Variants in SH2D3C observed in about 807,000 individuals in gnomAD.
SH2D3C encodes SH2 domain containing 3C.
In SH2D3C, 25 loss-of-function variants were observed where a neutral mutation model predicts 75.2. The observed-to-expected ratio is 0.33, with a 90% CI of 0.24 to 0.46. The LOEUF (loss-of-function observed/expected upper bound fraction) is 0.46. Ranked by LOEUF, SH2D3C falls within the 20% of genes least tolerant of loss-of-function variation. The pLI is 1.00. For missense variants in SH2D3C, 933 were observed against 1,165.3 expected (o/e 0.80, Z 2.90); for synonymous variants, 450 against 473.7 (o/e 0.95, Z 0.65).
intron 2 of SH2D3C, among the ~76,000 whole-genome samples, chr9:127,768,046 G>T (rs1030397500): frequency 2.6e-5 from 4 of 152,188 alleles, no homozygotes; most frequent in Non-Finnish European, 1.5e-5. Context: ...GCGTCCGGGG[G>T]TCTCAAGGAC....
At chr9:127,761,527 G>T in intron 3 of SH2D3C, 84 bp downstream of exon 3, 1 of 973,918 alleles carries the variant, frequency 1.0e-6, no homozygotes, top group Non-Finnish European at 1.6e-6. Context: ...AACAAGGCTT[G>T]AGGAAGGGCT....
intron 2 of SH2D3C, among the ~76,000 whole-genome samples, chr9:127,769,403 G>A (rs1396193210): frequency 6.6e-6 from 1 of 152,186 alleles, no homozygotes; most frequent in African/African-American, 2.4e-5. Flanking sequence ...AGCATTTTGG[G>A]AGGCTGAGGC....
At position 127,749,339 on chromosome 9, in the gene SH2D3C, C is replaced by T; in HGVS notation, c.1011G>A (p.Gly337=). The T allele has an allele frequency of 1.2e-6, 2 of 1,613,410 alleles. No individual in the cohort carries two copies. Among genetic ancestry groups the T allele is most frequent in the Non-Finnish European group, 1.7e-6 (2 of 1,179,790 alleles). The change falls in exon 5 of 12, where the codon GGG becomes GGA. Residue 337 remains glycine (G), a synonymous_variant. Transcript: ENST00000314830. This position sits in a 1 kb window ranked among gnomAD's most constrained non-coding sequence, Gnocchi z 5.9. ...TGACGGGGCTAGCAGGCTTGCTACT[C>T]CCCTGTCCCAGGCCATAGCTGGCCT... ...YLEASYGLGQ[G]SSKPASPVSP...
At chr9:127,764,696 TTTG>T (rs762740248) in intron 2 of SH2D3C, among the ~76,000 whole-genome samples, 25 of 151,886 alleles carry the variant, frequency 1.6e-4, no homozygotes, top group African/African-American at 3.1e-4. Context: ...CCTCCTGCTC[TTTG>T]TTGTTGTTGT....
chr9:127,739,854 A>G lies in SH2D3C; in HGVS notation c.2235T>C (p.His745=), dbSNP rs202202250. 63 of 1,563,050 alleles carry G rather than the reference A, an allele frequency of 4.0e-5. No individual in the cohort carries two copies. The South Asian group carries it at 4.1e-4, about 10-fold the overall frequency. Residue 745 remains histidine (H), a synonymous_variant, in exon 11 of 12, where the codon CAT becomes CAC. Coordinates refer to ENST00000314830, the MANE Select transcript of SH2D3C (RefSeq NM_170600.3). This position sits in a 1 kb window ranked among gnomAD's most constrained non-coding sequence, Gnocchi z 4.3. ...GPPLSNTTFP[H]VLPLITLLEC... Reference sequence around the variant, plus strand: ...CCAGCAGGGTGATGAGGGGCAGCACATGAGGAAACGTGGTGTTGCTCAGCG... The same window carrying G: ...CCAGCAGGGTGATGAGGGGCAGCACGTGAGGAAACGTGGTGTTGCTCAGCG...
chr9:127,767,235 T>G (rs749854720), intron 2 of SH2D3C: 4 of 1,483,968 alleles, frequency 2.7e-6, no homozygotes, highest in Non-Finnish European at 3.6e-6. Context: ...GAGCTGAGGA[T>G]GCTGGGCCCT....
rs747243135 is a variant in SH2D3C, at chr9:127,749,600, G to A, written c.750C>T (p.Gly250=). Residue 250 remains glycine (G), a synonymous_variant, in exon 5 of 12, where the codon GGC becomes GGT. Coordinates refer to ENST00000314830, the MANE Select transcript of SH2D3C (RefSeq NM_170600.3). This position sits in a 1 kb window ranked among gnomAD's most constrained non-coding sequence, Gnocchi z 5.9. Reference sequence around the variant, plus strand: ...GCCAGCGGCACGTGAGCACATAGTCGCCCAGGCTGGTGAGTGAGTCCCGGA... The same window carrying A: ...GCCAGCGGCACGTGAGCACATAGTCACCCAGGCTGGTGAGTGAGTCCCGGA... ...FLIRDSLTSL[G]DYVLTCRWRN... 1.6e-5 allele frequency: 25 copies of A among 1,599,394 alleles called. No individual in the cohort carries two copies. Among genetic ancestry groups the A allele is most frequent in the Middle Eastern group, 3.3e-4 (2 of 6,052 alleles).
rs781436419 is a variant in SH2D3C at position 127,745,005 on chromosome 9, G to A, written c.1359C>T (p.Pro453=). 2.6e-5 allele frequency: 39 copies of A among 1,521,640 alleles called. No individual in the cohort carries two copies. The Admixed American group carries it at 3.7e-4, about 14-fold the overall frequency. 94.3% of individuals were successfully genotyped at this position (1,521,640 alleles called of 1,614,324 possible). ...ARRSSEPQLC[P]GSAPKTHGES... Reference sequence around the variant, plus strand: ...CCCCATGGGTCTTTGGGGCACTTCCGGGACACAGCTGGGGCTCACTGGAAC... The same window carrying A: ...CCCCATGGGTCTTTGGGGCACTTCCAGGACACAGCTGGGGCTCACTGGAAC... The change falls in exon 7 of 12, where the codon CCC becomes CCT. Residue 453 remains proline (P), a synonymous_variant. Coordinates refer to ENST00000314830, the MANE Select transcript of SH2D3C (RefSeq NM_170600.3).
chr9:127,751,366 C>T lies in SH2D3C; in HGVS notation c.556-66G>A. The T allele has an allele frequency of 6.6e-7, 1 of 1,510,906 alleles. No homozygotes were observed. 93.6% of individuals were successfully genotyped at this position (1,510,906 alleles called of 1,614,324 possible). On this transcript the variant is annotated intron_variant, in intron 3 of 11. Coordinates refer to ENST00000314830, the MANE Select transcript of SH2D3C (RefSeq NM_170600.3). This position sits in a 1 kb window ranked among gnomAD's most constrained non-coding sequence, Gnocchi z 4.1. The stretch of plus-strand genomic sequence containing the variant: ...CTCCTTCTTCTTTCCCTCCCAACTT[C>T]ATTCTACCATGGATGAACTCCTCCT...
rs1588501536 is a variant in SH2D3C at position 127,749,729 on chromosome 9, G to A, written c.685-64C>T. The A allele has an allele frequency of 1.9e-6, 2 of 1,079,846 alleles. No individual in the cohort carries two copies. Among genetic ancestry groups the A allele is most frequent in the East Asian group, 2.6e-5 (1 of 38,798 alleles). 66.9% of individuals were successfully genotyped at this position (1,079,846 alleles called of 1,614,324 possible). A position where few individuals can be genotyped will look rare whatever the true frequency, so the allele number is the denominator to read the frequency against. Reference sequence around the variant, plus strand: ...AGGAGAGGGTCAGACCCAGGATCTGGGGGACAGAGCAACCCAGGATTAGGG... The same window carrying A: ...AGGAGAGGGTCAGACCCAGGATCTGAGGGACAGAGCAACCCAGGATTAGGG... On this transcript the variant is annotated intron_variant, in intron 4 of 11. Transcript: ENST00000314830. This position sits in a 1 kb window ranked among gnomAD's most constrained non-coding sequence, Gnocchi z 5.9.
intron 10 of SH2D3C, 103 bp downstream of exon 10, chr9:127,740,155 C>A: frequency 1.0e-6 from 1 of 987,024 alleles, no homozygotes; most frequent in Non-Finnish European, 1.6e-6. Context: ...GGGAAAGTAG[C>A]TTGCACAGAG....
chr9:127,751,086 C>A lies in SH2D3C; in HGVS notation c.684+86G>T. Reference sequence around the variant, plus strand: ...TCCACCAAGCAACAGGTCAGAGCCTCCCAGGTGGCTGCAGCCAGGGCTGGG... The same window carrying A: ...TCCACCAAGCAACAGGTCAGAGCCTACCAGGTGGCTGCAGCCAGGGCTGGG... On this transcript the variant is annotated intron_variant, in intron 4 of 11. Transcript: ENST00000314830. This position sits in a 1 kb window ranked among gnomAD's most constrained non-coding sequence, Gnocchi z 4.1. 7.3e-7 allele frequency: 1 copy of A among 1,378,122 alleles called. No individual in the cohort carries two copies. The allele number at this position is 1,378,122 out of a possible 1,614,324, so 85.4% of individuals were successfully genotyped here.
chr9:127,745,946 T>C (rs778184001), intron 6 of SH2D3C, among the ~76,000 whole-genome samples: 2 of 152,352 alleles, frequency 1.3e-5, no homozygotes, highest in Admixed American at 1.3e-4. Flanking sequence ...TACCTCAGTC[T>C]ATTTAATCCT....
rs1171769294 is a variant in SH2D3C at position 127,754,466 on chromosome 9, G to A, written c.556-3166C>T. ...CCCAAAGGATGCTCCGCAGAGAGGC[G>A]GGGTCCGGGTCCTCCCCTCCACCCC... On this transcript the variant is annotated intron_variant, in intron 3 of 11. Coordinates refer to ENST00000314830, the MANE Select transcript of SH2D3C (RefSeq NM_170600.3). This position sits in a 1 kb window ranked among gnomAD's most constrained non-coding sequence, Gnocchi z 4.4. Among the ~76,000 whole-genome samples, 1 of 152,094 alleles carries A rather than the reference G, an allele frequency of 6.6e-6. No individual in the cohort carries two copies. The highest frequency in any genetic ancestry group is 6.5e-5 in the Admixed American group (1 of 15,276).
chr9:127,773,293 G>C (rs1227952441), intron 2 of SH2D3C, among the ~76,000 whole-genome samples: 1 of 152,132 alleles, frequency 6.6e-6, no homozygotes, highest in Non-Finnish European at 1.5e-5. Context: ...GTATTGTCCA[G>C]CAGAACTAAT....
chr9:127,749,593 C>T lies in SH2D3C; in HGVS notation c.757G>A (p.Val253Met), dbSNP rs201703040. The T allele has an allele frequency of 1.0e-5, 16 of 1,602,816 alleles. No individual in the cohort carries two copies. Among genetic ancestry groups the T allele is most frequent in the Non-Finnish European group, 1.4e-5 (16 of 1,175,002 alleles). Residue 253 changes from valine to methionine, a missense_variant, in exon 5 of 12, where the codon GTG becomes ATG. Transcript: ENST00000314830. This position sits in a 1 kb window ranked among gnomAD's most constrained non-coding sequence, Gnocchi z 5.9. ...RDSLTSLGDY[V>M]LTCRWRNQAL... is the part of the protein sequence containing the mutation. ...TGGTTGCGCCAGCGGCACGTGAGCA[C>T]ATAGTCGCCCAGGCTGGTGAGTGAG...
intron 1 of SH2D3C, among the ~76,000 whole-genome samples, chr9:127,776,807 C>T (rs1845818517): frequency 6.6e-6 from 1 of 152,208 alleles, no homozygotes; most frequent in East Asian, 1.9e-4. Flanking sequence ...TGGGTCAGTG[C>T]TCAGGGGTTT....
chr9:127,760,495 A>C (rs1845500090), intron 3 of SH2D3C, among the ~76,000 whole-genome samples: 1 of 152,182 alleles, frequency 6.6e-6, no homozygotes, highest in South Asian at 2.1e-4. Flanking sequence ...CCTAATGTAG[A>C]TCATGGGTTG....
In SH2D3C at chr9:127,738,422, TG is replaced by T. The variant is rs1042654399; in HGVS notation, c.*323del. The T allele has an allele frequency of 4.4e-6, 1 of 226,948 alleles. No individual in the cohort carries two copies. Among genetic ancestry groups the T allele is most frequent in the African/African-American group, 2.3e-5 (1 of 43,874 alleles). 14.1% of individuals were successfully genotyped at this position (226,948 alleles called of 1,614,324 possible). ...AGTGAGATGGAGGCCTTGGTGTTGG[TG>T]AGGGACAGACAGAGAGTGAGGAGGC... is the stretch of plus-strand genomic sequence containing the variant. On this transcript the variant is annotated 3_prime_UTR_variant, in exon 12 of 12. Coordinates refer to ENST00000314830, the MANE Select transcript of SH2D3C (RefSeq NM_170600.3). This position sits in a 1 kb window ranked among gnomAD's most constrained non-coding sequence, Gnocchi z 5.0.
Sources: allele counts gnomAD v4.1 joint callset (sites outside exome capture counted in the v4.1 genomes callset), GRCh38; gene constraint gnomAD v4.1.1; non-coding constraint Gnocchi (gnomAD v3.1); transcripts MANE v1.5; gene names NCBI Gene and HGNC (gene_info 2026-07-23, HGNC 2026-07-21).